CTNNBL1: variants seen among roughly 807,000 people sequenced by gnomAD.
CTNNBL1 encodes catenin beta like 1.
CTNNBL1 carries 31 observed loss-of-function variants against 72.7 expected under a neutral mutation model. The observed-to-expected ratio is 0.43, with a 90% CI of 0.32 to 0.58. The LOEUF (loss-of-function observed/expected upper bound fraction) is 0.58, where lower values mean the gene tolerates loss of function less well. Among genes scored for constraint, CTNNBL1 ranks in the 20% least tolerant of loss-of-function variants. CTNNBL1 has a pLI of 0.08. For missense variants in CTNNBL1, 534 were observed against 725.1 expected (o/e 0.74, Z 3.03); for synonymous variants, 240 against 267.3 (o/e 0.90, Z 1.00).
chr20:37,743,552 G>A (rs911351504), intron 3 of CTNNBL1, among the ~76,000 whole-genome samples: 13 of 152,144 alleles, frequency 8.5e-5, no homozygotes, highest in Non-Finnish European at 1.8e-4. Context: ...AACAACAAGG[G>A]AGTTGTTTGC....
chr20:37,854,453 G>T (rs1310005079), intron 13 of CTNNBL1, among the ~76,000 whole-genome samples: 3 of 151,842 alleles, frequency 2.0e-5, no homozygotes, highest in African/African-American at 7.3e-5. Context: ...ATGGACTAGG[G>T]TTTGAGTCCC....
At chr20:37,818,580 G>T (rs2072079388) in intron 11 of CTNNBL1, among the ~76,000 whole-genome samples, 1 of 152,204 alleles carries the variant, frequency 6.6e-6, no homozygotes, top group African/African-American at 2.4e-5. Context: ...ATGTAAACAG[G>T]CAGGCAGAGG....
intron 3 of CTNNBL1, 118 bp from the exon 4 acceptor site, chr20:37,746,350 T>C: frequency 9.9e-7 from 1 of 1,008,188 alleles, no homozygotes; most frequent in Non-Finnish European, 1.5e-6. Flanking sequence ...AGTGTACTTC[T>C]TGGTTGGTCT....
intron 13 of CTNNBL1, among the ~76,000 whole-genome samples, chr20:37,845,245 A>G (rs947113794): frequency 6.6e-6 from 1 of 152,192 alleles, no homozygotes. Flanking sequence ...AGGGAGACCT[A>G]GTAAGTGGCT....
intron 13 of CTNNBL1, among the ~76,000 whole-genome samples, chr20:37,846,448 G>C (rs1045036181): frequency 2.6e-5 from 4 of 152,096 alleles, no homozygotes; most frequent in African/African-American, 9.7e-5. Context: ...GATGGTGTTT[G>C]TTTTGTGTTT....
chr20:37,708,901 C>G (rs2344480), intron 1 of CTNNBL1, among the ~76,000 whole-genome samples: 74,160 of 151,876 alleles, frequency 0.49, 20,349 homozygotes, highest in African/African-American at 0.76. Context: ...CACTTTGGGA[C>G]GCCGAGGTGG....
chr20:37,710,835 C>G (rs1445060757), intron 1 of CTNNBL1, among the ~76,000 whole-genome samples: 2 of 152,092 alleles, frequency 1.3e-5, no homozygotes. Context: ...CACCTGAGAC[C>G]CTGTATGTTT....
In CTNNBL1 at chr20:37,719,845, C is replaced by CT. The variant is rs751734838; in HGVS notation, c.31-13021dup. ...TCTTTTTTTATTTTTCTTTTCTTTTCTTTTTTTTTTTTTGAGACAGGGTCT... is the reference window on the plus strand; with the variant it reads ...TCTTTTTTTATTTTTCTTTTCTTTTCTTTTTTTTTTTTTTGAGACAGGGTCT... On this transcript the variant is annotated intron_variant, in intron 1 of 15. Transcript: ENST00000361383. Among the ~76,000 whole-genome samples, 1,281 of 141,370 alleles carry CT rather than the reference C, an allele frequency of 9.1e-3. 11 individuals are homozygous for CT. Among genetic ancestry groups the CT allele is most frequent in the African/African-American group, 0.019 (748 of 38,860 alleles). The allele number at this position is 141,370 out of a possible 152,430, so 92.7% of individuals were successfully genotyped here. A position where few individuals can be genotyped will look rare whatever the true frequency, so the allele number is the denominator to read the frequency against.
chr20:37,763,624 T>C (rs549526329), intron 5 of CTNNBL1, among the ~76,000 whole-genome samples: 5 of 152,310 alleles, frequency 3.3e-5, no homozygotes, highest in South Asian at 4.1e-4. Context: ...TGGTTTGAAT[T>C]GTGTCTATAG....
In CTNNBL1 at chr20:37,755,050, G is replaced by A. The variant is rs571086584; in HGVS notation, c.467-2509G>A. Among the ~76,000 whole-genome samples the A allele has an allele frequency of 7.9e-5, 12 of 151,884 alleles. No individual in the cohort carries two copies. In the South Asian group the frequency reaches 8.3e-4, roughly 11 times the overall value. ...TTGAACTCCTGACCTCAAGTAATCC[G>A]CCCACCTCGGCCTCCCAAAGTGCTA... On this transcript the variant is annotated intron_variant, in intron 4 of 15. Coordinates refer to ENST00000361383, the MANE Select transcript of CTNNBL1 (RefSeq NM_030877.5).
rs1382217276 is a variant in CTNNBL1 at position 37,694,159 on chromosome 20, G to C, written c.30+7G>C. ...CGAACTTCTGAGCTACCAGGTATGA[G>C]GGGCAGGGAGGGCCGAGCGACCGCG... On this transcript the variant is annotated splice_region_variant and intron_variant, in intron 1 of 15. Coordinates refer to ENST00000361383, the MANE Select transcript of CTNNBL1 (RefSeq NM_030877.5). 2 of 1,589,676 alleles carry C rather than the reference G, an allele frequency of 1.3e-6. No individual in the cohort carries two copies. The highest frequency in any genetic ancestry group is 1.7e-6 in the Non-Finnish European group (2 of 1,170,578).
chr20:37,787,636 GC>G (rs2073690301), intron 10 of CTNNBL1, among the ~76,000 whole-genome samples: 2 of 152,168 alleles, frequency 1.3e-5, no homozygotes, highest in Non-Finnish European at 2.9e-5. Context: ...GAGCCACCGC[GC>G]CCGGCCCATA....
chr20:37,762,463 GAACTTT>G (rs568510028), intron 5 of CTNNBL1, among the ~76,000 whole-genome samples: 296 of 152,196 alleles, frequency 1.9e-3, no homozygotes, highest in Middle Eastern at 0.01. Flanking sequence ...TCATGCCCTT[GAACTTT>G]AACTCCCGGA....
At chr20:37,771,581 T>A (rs1317748826) in intron 7 of CTNNBL1, among the ~76,000 whole-genome samples, 4 of 145,656 alleles carry the variant, frequency 2.7e-5, no homozygotes, top group South Asian at 2.2e-4. Context: ...TTTTTTTTTT[T>A]AAACCTATCT....
Position 37,696,435 on chromosome 20 carries a change from C to CTTTT in CTNNBL1, c.30+2305_30+2308dup, listed in dbSNP as rs57358123. On this transcript the variant is annotated intron_variant, in intron 1 of 15. Coordinates refer to ENST00000361383, the MANE Select transcript of CTNNBL1 (RefSeq NM_030877.5). ...TTAGTATGAAAATAATGTACAATAT[C>CTTTT]TTTTTTTTTTTTTTTTTTTTTTTTT... Among the ~76,000 whole-genome samples the CTTTT allele has an allele frequency of 7.8e-4, 70 of 89,604 alleles. 1 individual carries two copies. Among genetic ancestry groups the CTTTT allele is most frequent in the Admixed American group, 1.2e-3 (8 of 6,782 alleles). The allele number at this position is 89,604 out of a possible 152,430, so 58.8% of individuals were successfully genotyped here.
chr20:37,760,976 G>A (rs6020722), intron 5 of CTNNBL1, among the ~76,000 whole-genome samples: 11 of 148,480 alleles, frequency 7.4e-5, no homozygotes, highest in African/African-American at 2.7e-4. Flanking sequence ...TGAGAGGATA[G>A]AGCTTTAGTT....
chr20:37,707,028 A>C (rs1417331967), intron 1 of CTNNBL1, among the ~76,000 whole-genome samples: 1 of 152,106 alleles, frequency 6.6e-6, no homozygotes, highest in Non-Finnish European at 1.5e-5. Flanking sequence ...TCTGAGCAGT[A>C]GGTCTTAACA....
In CTNNBL1 at chr20:37,777,333, A is replaced by T. The variant is rs1235983707; in HGVS notation, c.751-12A>T. 6.8e-6 allele frequency: 11 copies of T among 1,611,828 alleles called. No individual in the cohort carries two copies. The highest frequency in any genetic ancestry group is 9.3e-6 in the Non-Finnish European group (11 of 1,177,992). On this transcript the variant is annotated splice_polypyrimidine_tract_variant and intron_variant, in intron 7 of 15. Coordinates refer to ENST00000361383, the MANE Select transcript of CTNNBL1 (RefSeq NM_030877.5). Reference sequence around the variant, plus strand: ...CCTTAACATTTTTCTCATTTCTCCTATTTCCCCATAGGCAAAGATGCCTTT... The same window carrying T: ...CCTTAACATTTTTCTCATTTCTCCTTTTTCCCCATAGGCAAAGATGCCTTT...
At chr20:37,737,228 A>G (rs1169237292) in intron 2 of CTNNBL1, 150 bp from the exon 3 acceptor site, 10 of 595,484 alleles carry the variant, frequency 1.7e-5, no homozygotes, top group Non-Finnish European at 5.9e-6. Flanking sequence ...CATCTCAAAA[A>G]ACAAAACAAA....
Sources: allele counts gnomAD v4.1 joint callset (sites outside exome capture counted in the v4.1 genomes callset), GRCh38; gene constraint gnomAD v4.1.1; transcripts MANE v1.5; gene names NCBI Gene and HGNC (gene_info 2026-07-23, HGNC 2026-07-21).